Variants in MAP3K13 observed in about 807,000 individuals in gnomAD.
MAP3K13 encodes the protein leucine zipper-bearing kinase.
In MAP3K13, 52 loss-of-function variants were observed where a neutral mutation model predicts 104.0. The ratio of observed to expected loss-of-function variants is 0.50; its 90% CI spans 0.40 to 0.63. The LOEUF (loss-of-function observed/expected upper bound fraction) is 0.63. Among genes scored for constraint, MAP3K13 ranks in the 20% least tolerant of loss-of-function variants. MAP3K13 has a pLI of 0.00. For synonymous variants in MAP3K13, 394 were observed against 442.2 expected, an observed-to-expected ratio of 0.89 and a Z score of 1.37; for missense variants, 914 against 1,218.5, an observed-to-expected ratio of 0.75 and a Z score of 3.72.
At chr3:185,313,507 G>A (rs1275176291) in intron 2 of MAP3K13, among the ~76,000 whole-genome samples, 1 of 151,870 alleles carries the variant, frequency 6.6e-6, no homozygotes, top group Non-Finnish European at 1.5e-5. Flanking sequence ...TTCACCTCGT[G>A]ATCTGCCCAC....
rs2108793274 is a variant in MAP3K13 at position 185,418,431 on chromosome 3, G to A, written c.-85-10066G>A. The A allele has an allele frequency of 6.2e-7, 1 of 1,609,458 alleles. No individual in the cohort carries two copies. The highest frequency in any genetic ancestry group is 8.5e-7 in the Non-Finnish European group (1 of 1,177,504). On this transcript the variant is annotated intron_variant, in intron 1 of 13. Transcript: ENST00000265026. The surrounding 1 kb of genome is among the most constrained non-coding windows in gnomAD (Gnocchi z 4.5). ...AGATGGCATATCGTTTTTGGGTTGTGTTCACTCTACGATGCCAACGGCGCC... is the reference window on the plus strand; with the variant it reads ...AGATGGCATATCGTTTTTGGGTTGTATTCACTCTACGATGCCAACGGCGCC...
At chr3:185,437,741 A>G (rs1466824276) in intron 3 of MAP3K13, 111 bp downstream of exon 3, 10 of 1,085,228 alleles carry the variant, frequency 9.2e-6, no homozygotes, top group Middle Eastern at 3.1e-4. Context: ...TAGACTTAGC[A>G]CTGTGCTAGG....
At chr3:185,285,024 T>C (rs556905572) in intron 1 of MAP3K13, among the ~76,000 whole-genome samples, 25 of 151,798 alleles carry the variant, frequency 1.6e-4, no homozygotes, top group African/African-American at 6.1e-4. Context: ...TGAATTTATG[T>C]CATACGGGTG....
chr3:185,440,376 G>A (rs561133601), intron 3 of MAP3K13, among the ~76,000 whole-genome samples: 3 of 152,068 alleles, frequency 2.0e-5, no homozygotes, highest in African/African-American at 7.2e-5. Context: ...AAACATAGTC[G>A]AATAGGAGGC....
rs1553798321 is a variant in MAP3K13, at chr3:185,395,357, C to CTTTCTTTTTTTTTTTTT, written c.-86+31992_-86+31993insCTTTTTTTTTTTTTTTT. On this transcript the variant is annotated intron_variant, in intron 1 of 13. Transcript: ENST00000265026. ...AGGCATTTCTAATTCAATATTATTT[C>CTTTCTTTTTTTTTTTTT]TTTTTTTTTTTTTTTTTTTGAGACG... is the stretch of plus-strand genomic sequence containing the variant. Among the ~76,000 whole-genome samples, 119 of 69,980 alleles carry CTTTCTTTTTTTTTTTTT rather than the reference C, an allele frequency of 1.7e-3. 1 individual carries two copies. Among genetic ancestry groups the CTTTCTTTTTTTTTTTTT allele is most frequent in the East Asian group, 9.6e-3 (18 of 1,874 alleles). 45.9% of individuals were successfully genotyped at this position (69,980 alleles called of 152,430 possible). A position where few individuals can be genotyped will look rare whatever the true frequency, so the allele number is the denominator to read the frequency against.
At chr3:185,386,020 T>C (rs1711666400) in intron 1 of MAP3K13, among the ~76,000 whole-genome samples, 1 of 151,318 alleles carries the variant, frequency 6.6e-6, no homozygotes, top group African/African-American at 2.4e-5. Context: ...AAAAAGTTAA[T>C]ATGCTTAATA....
At chr3:185,358,122 C>G (rs1404331569) in intron 2 of MAP3K13, among the ~76,000 whole-genome samples, 1 of 152,060 alleles carries the variant, frequency 6.6e-6, no homozygotes, top group African/African-American at 2.4e-5. Context: ...ATAGAGTAAT[C>G]CAACCCAAAA....
intron 1 of MAP3K13, among the ~76,000 whole-genome samples, chr3:185,420,209 T>C (rs547043723): frequency 2.0e-4 from 30 of 152,334 alleles, no homozygotes; most frequent in African/African-American, 7.0e-4. Context: ...TGAGTTTTTA[T>C]TGTTCCTTCA....
intron 7 of MAP3K13, among the ~76,000 whole-genome samples, chr3:185,455,762 G>T (rs796884694): frequency 7.0e-5 from 4 of 57,528 alleles, no homozygotes; most frequent in Admixed American, 2.1e-4. Context: ...ATATATATGA[G>T]ATATATATAT....
At chr3:185,311,477 AC>A (rs768564188) in intron 2 of MAP3K13, among the ~76,000 whole-genome samples, 151 of 152,278 alleles carry the variant, frequency 9.9e-4, no homozygotes, top group Admixed American at 1.7e-3. Context: ...TCTGGGAGAT[AC>A]AATTGAAGTT....
At chr3:185,333,293 A>G (rs1722350092) in intron 2 of MAP3K13, among the ~76,000 whole-genome samples, 2 of 152,250 alleles carry the variant, frequency 1.3e-5, no homozygotes, top group South Asian at 4.1e-4. Context: ...TCTGAGCCAC[A>G]TTTTCTTATT....
Position 185,417,828 on chromosome 3 carries a change from G to C in MAP3K13, c.-85-10669G>C. On this transcript the variant is annotated intron_variant, in intron 1 of 13. Transcript: ENST00000265026. ...ACATGATTCTCAAGTTTTTCAGTGGGTTCTTCTTTAGGACTCTGCGATGAA... is the reference window on the plus strand; with the variant it reads ...ACATGATTCTCAAGTTTTTCAGTGGCTTCTTCTTTAGGACTCTGCGATGAA... 6 of 1,610,114 alleles carry C rather than the reference G, an allele frequency of 3.7e-6. 1 individual carries two copies. In the South Asian group the frequency reaches 6.6e-5, roughly 18 times the overall value.
chr3:185,377,906 G>T (rs1421794698), intron 1 of MAP3K13, among the ~76,000 whole-genome samples: 1 of 152,232 alleles, frequency 6.6e-6, no homozygotes, highest in Non-Finnish European at 1.5e-5. Flanking sequence ...TTTCCAGTGG[G>T]GTCCCGCACA....
intron 7 of MAP3K13, among the ~76,000 whole-genome samples, chr3:185,454,421 G>GAT (rs1392756216): frequency 3.3e-5 from 2 of 60,214 alleles, no homozygotes; most frequent in African/African-American, 1.1e-4. Flanking sequence ...AGATATATGA[G>GAT]ATATATATGA....
Position 185,418,611 on chromosome 3 carries a change from T to C in MAP3K13, c.-85-9886T>C, listed in dbSNP as rs1577534050. 1 of 1,612,290 alleles carries C rather than the reference T, an allele frequency of 6.2e-7. No homozygotes were observed. Among genetic ancestry groups the C allele is most frequent in the East Asian group, 2.2e-5 (1 of 44,882 alleles). ...CAGCACTGGTCTGATGACCTGCTAA[T>C]TCACTGGCAGCGTAGGGCTGTCTGT... On this transcript the variant is annotated intron_variant, in intron 1 of 13. Transcript: ENST00000265026. This position sits in a 1 kb window ranked among gnomAD's most constrained non-coding sequence, Gnocchi z 4.5.
chr3:185,307,831 C>T (rs947586252), intron 2 of MAP3K13, among the ~76,000 whole-genome samples: 1 of 152,126 alleles, frequency 6.6e-6, no homozygotes, highest in East Asian at 1.9e-4. Context: ...CATGAGCCAC[C>T]ACACCCAGCC....
chr3:185,346,950 A>G (rs1396373707), intron 2 of MAP3K13, among the ~76,000 whole-genome samples: 1 of 150,322 alleles, frequency 6.7e-6, no homozygotes, highest in African/African-American at 2.5e-5. Flanking sequence ...TGCATTTTGC[A>G]CTACTTTTGA....
chr3:185,412,851 A>ACTT (rs546033893), intron 1 of MAP3K13, among the ~76,000 whole-genome samples: 317 of 152,254 alleles, frequency 2.1e-3, no homozygotes, highest in Non-Finnish European at 3.2e-3. Flanking sequence ...AGTGACACAT[A>ACTT]CTTCTGGTGA....
At chr3:185,323,610 G>A (rs1721943382) in intron 2 of MAP3K13, among the ~76,000 whole-genome samples, 1 of 152,050 alleles carries the variant, frequency 6.6e-6, no homozygotes, top group Non-Finnish European at 1.5e-5. Context: ...TGGGATTCCA[G>A]GCGTGAGCCA....
Sources: allele counts gnomAD v4.1 joint callset (sites outside exome capture counted in the v4.1 genomes callset), GRCh38; gene constraint gnomAD v4.1.1; non-coding constraint Gnocchi (gnomAD v3.1); transcripts MANE v1.5; gene names NCBI Gene and HGNC (gene_info 2026-07-23, HGNC 2026-07-21).